CNTNAP2: variants seen among roughly 807,000 people sequenced by gnomAD.
CNTNAP2 encodes the protein contactin-associated protein-like 2.
CNTNAP2 carries 98 observed loss-of-function variants against 155.2 expected under a neutral mutation model. The ratio of observed to expected loss-of-function variants is 0.63; its 90% CI spans 0.54 to 0.75. The LOEUF is 0.75. CNTNAP2 is among the 30% of genes least tolerant of loss of function. The pLI, the probability that CNTNAP2 is intolerant of heterozygous loss-of-function variation, is 0.00. For synonymous variants in CNTNAP2, 651 were observed against 631.2 expected (o/e 1.03, Z -0.47); for missense variants, 1,727 against 1,688.1 (o/e 1.02, Z -0.40).
intron 10 of CNTNAP2, among the ~76,000 whole-genome samples, chr7:147,401,714 A>T (rs1298791017): frequency 1.3e-5 from 2 of 152,014 alleles, no homozygotes; most frequent in Non-Finnish European, 2.9e-5. Flanking sequence ...CATGATAGTG[A>T]GTGAGTTCTC....
At chr7:146,566,506 C>G (rs1798358536) in intron 1 of CNTNAP2, among the ~76,000 whole-genome samples, 1 of 151,856 alleles carries the variant, frequency 6.6e-6, no homozygotes, top group African/African-American at 2.4e-5. Flanking sequence ...TCAGGCTGAC[C>G]AGCATGGTGA....
intron 10 of CNTNAP2, among the ~76,000 whole-genome samples, chr7:147,441,264 T>A (rs1457560810): frequency 6.6e-6 from 1 of 152,104 alleles, no homozygotes; most frequent in Non-Finnish European, 1.5e-5. Context: ...TTCTTCAGTA[T>A]GTCAGTTGCA....
At chr7:148,004,785 A>T (rs914327048) in intron 15 of CNTNAP2, among the ~76,000 whole-genome samples, 28 of 152,178 alleles carry the variant, frequency 1.8e-4, no homozygotes, top group African/African-American at 4.1e-4. Flanking sequence ...TTAGATTTTT[A>T]AATAGAACTC....
chr7:146,448,531 T>C (rs1796434685), intron 1 of CNTNAP2, among the ~76,000 whole-genome samples: 1 of 152,014 alleles, frequency 6.6e-6, no homozygotes, highest in Non-Finnish European at 1.5e-5. Context: ...TATTATACTT[T>C]AAGTTTTAGG....
At chr7:146,720,193 T>C (rs1801261108) in intron 1 of CNTNAP2, among the ~76,000 whole-genome samples, 1 of 152,080 alleles carries the variant, frequency 6.6e-6, no homozygotes, top group South Asian at 2.1e-4. Flanking sequence ...GGACTATGCC[T>C]CTGGTTTGGT....
intron 1 of CNTNAP2, among the ~76,000 whole-genome samples, chr7:146,281,106 A>G (rs1800245034): frequency 6.6e-6 from 1 of 152,182 alleles, no homozygotes; most frequent in Non-Finnish European, 1.5e-5. Context: ...GGCGGGTCAC[A>G]GCTCTATGTT....
intron 3 of CNTNAP2, among the ~76,000 whole-genome samples, chr7:147,025,044 G>A (rs970584239): frequency 6.6e-6 from 1 of 151,556 alleles, no homozygotes; most frequent in Non-Finnish European, 1.5e-5. Flanking sequence ...AGCACTTTGG[G>A]AGGCTGAGGC....
chr7:147,876,804 G>A (rs887992610), intron 13 of CNTNAP2, among the ~76,000 whole-genome samples: 3 of 152,126 alleles, frequency 2.0e-5, no homozygotes, highest in Admixed American at 6.6e-5. Context: ...AGACCACCAG[G>A]AGCACACCAC....
intron 1 of CNTNAP2, among the ~76,000 whole-genome samples, chr7:146,224,835 G>T (rs1389214220): frequency 3.3e-5 from 5 of 152,126 alleles, no homozygotes; most frequent in Admixed American, 3.3e-4. Flanking sequence ...CTTTTGTTTT[G>T]ATCTCAGAAT....
At chr7:146,370,259 TTAAAAA>T (rs1481168553) in intron 1 of CNTNAP2, among the ~76,000 whole-genome samples, 5 of 117,832 alleles carry the variant, frequency 4.2e-5, no homozygotes, top group Admixed American at 1.6e-4. Context: ...CATCTCTACT[TTAAAAA>T]AAAAAAAAAA....
intron 12 of CNTNAP2, among the ~76,000 whole-genome samples, chr7:147,629,790 A>C (rs796273438): frequency 1.2e-4 from 18 of 152,264 alleles, no homozygotes; most frequent in African/African-American, 4.1e-4. Flanking sequence ...TGATAGTGAC[A>C]CAACTTATCA....
intron 3 of CNTNAP2, among the ~76,000 whole-genome samples, chr7:146,892,219 C>T (rs58166271): frequency 0.36 from 54,778 of 151,894 alleles, 11,692 homozygotes; most frequent in East Asian, 0.64. Context: ...TCATCTGGGG[C>T]CTTACTTTCT....
intron 13 of CNTNAP2, among the ~76,000 whole-genome samples, chr7:147,872,693 A>T (rs1799348664): frequency 6.6e-6 from 1 of 152,222 alleles, no homozygotes; most frequent in African/African-American, 2.4e-5. Flanking sequence ...CTTTTGACTT[A>T]AGAATTAGAA....
At chr7:148,067,907 T>C (rs1362232187) in intron 15 of CNTNAP2, among the ~76,000 whole-genome samples, 1 of 152,112 alleles carries the variant, frequency 6.6e-6, no homozygotes, top group Non-Finnish European at 1.5e-5. Context: ...TGCAGTGTCA[T>C]ATAGGTTTCC....
At chr7:148,207,386 G>T (rs1795469221) in intron 18 of CNTNAP2, among the ~76,000 whole-genome samples, 1 of 152,326 alleles carries the variant, frequency 6.6e-6, no homozygotes, top group South Asian at 2.1e-4. Context: ...AGGCCAAGAA[G>T]GGAGCCAGTC....
chr7:147,551,106 T>C (rs1799844644), intron 11 of CNTNAP2, among the ~76,000 whole-genome samples: 1 of 152,188 alleles, frequency 6.6e-6, no homozygotes, highest in Non-Finnish European at 1.5e-5. Context: ...TCCAGAAATA[T>C]GTAGGCTTTC....
intron 14 of CNTNAP2, among the ~76,000 whole-genome samples, chr7:147,926,720 A>G (rs575785961): frequency 6.6e-6 from 1 of 152,354 alleles, no homozygotes; most frequent in South Asian, 2.1e-4. Context: ...GAAAGTAAAA[A>G]AGATTTTATA....
chr7:147,811,936 G>A (rs887179296), intron 13 of CNTNAP2, among the ~76,000 whole-genome samples: 4 of 152,184 alleles, frequency 2.6e-5, no homozygotes, highest in South Asian at 2.1e-4. Context: ...AATACTAAAC[G>A]CAAGAACATT....
chr7:146,502,117 G>A (rs1322354107), intron 1 of CNTNAP2, among the ~76,000 whole-genome samples: 6 of 150,676 alleles, frequency 4.0e-5, no homozygotes, highest in African/African-American at 1.5e-4. Flanking sequence ...TATGTGCCTG[G>A]CCTATTTTAT....
Sources: allele counts gnomAD v4.1 joint callset (sites outside exome capture counted in the v4.1 genomes callset), GRCh38; gene constraint gnomAD v4.1.1; transcripts MANE v1.5; gene names NCBI Gene and HGNC (gene_info 2026-07-23, HGNC 2026-07-21).